The following NOL11 variants were observed in gnomAD, a reference collection of about 807,000 sequenced individuals.
NOL11 encodes nucleolar protein 11.
A neutral mutation model predicts 93.0 loss-of-function variants in NOL11; 42 were observed. That is an observed-to-expected ratio of 0.45 (90% confidence interval 0.35 to 0.58). The LOEUF is 0.58. Ranked by LOEUF, NOL11 falls within the 20% of genes least tolerant of loss-of-function variation. The pLI is 0.00. For synonymous variants in NOL11, 296 were observed against 293.7 expected (o/e 1.01, Z -0.08); for missense variants, 775 against 841.8 (o/e 0.92, Z 0.98).
At position 67,717,958 on chromosome 17, in the gene NOL11, T is replaced by C. The variant is rs761231053; in HGVS notation, c.11T>C (p.Leu4Pro). Residue 4 changes from leucine to proline, a missense_variant, in exon 1 of 18, where the codon CTG becomes CCG. Transcript: ENST00000253247. ...TTAGGTTTGCTCAAAATGGCAGCGC[T>C]GGAGGAAGAATTCACGTTGTCTTCG... MAA[L>P]EEEFTLSSVV... The C allele has an allele frequency of 3.1e-6, 5 of 1,614,176 alleles. No individual in the cohort carries two copies. The highest frequency in any genetic ancestry group is 3.4e-6 in the Non-Finnish European group (4 of 1,180,014).
chr17:67,738,333 G>A lies in NOL11; in HGVS notation c.1741G>A (p.Val581Ile), dbSNP rs1380141948. The stretch of plus-strand genomic sequence containing the variant: ...AAAGGAGAGCACTTCATGCCCTGTG[G>A]TACAAAAAAGAGCAGCTCTACTGTA... ...ETKESTSCPV[V>I]QKRAALLNAI... Residue 581 changes from valine to isoleucine, a missense_variant, in exon 14 of 18, where the codon GTA (valine) becomes ATA (isoleucine). Coordinates refer to ENST00000253247, the MANE Select transcript of NOL11 (RefSeq NM_015462.5). 2.5e-6 allele frequency: 4 copies of A among 1,611,400 alleles called. No homozygotes were observed. Among genetic ancestry groups the A allele is most frequent in the African/African-American group, 2.7e-5 (2 of 74,524 alleles).
chr17:67,728,591 G>A (rs2055121528), intron 7 of NOL11, among the ~76,000 whole-genome samples: 1 of 151,972 alleles, frequency 6.6e-6, no homozygotes, highest in Non-Finnish European at 1.5e-5. Context: ...AAAACCCGGT[G>A]GCTACTATAG....
At chr17:67,732,206 GGCGCAGTAATCACACCTATAATCCCA>G (rs2055160021) in intron 7 of NOL11, among the ~76,000 whole-genome samples, 1 of 152,208 alleles carries the variant, frequency 6.6e-6, no homozygotes, top group African/African-American at 2.4e-5. Context: ...CTAGGGACCG[GGCGCAGTAATCACACCTATAATCCCA>G]GCACTTTGGG....
chr17:67,731,651 A>G (rs2055155492), intron 7 of NOL11, among the ~76,000 whole-genome samples: 1 of 152,232 alleles, frequency 6.6e-6, no homozygotes, highest in Admixed American at 6.5e-5. Flanking sequence ...TCTTCAAAGA[A>G]TGTTATGGTT....
Position 67,719,741 on chromosome 17 carries a change from T to A in NOL11, c.209T>A (p.Val70Glu). The change falls in exon 2 of 18, where the codon GTG becomes GAG. Residue 70 changes from valine (V) to glutamate (E), a missense_variant. Coordinates refer to ENST00000253247, the MANE Select transcript of NOL11 (RefSeq NM_015462.5). ...KQGQIITCPA[V>E]CNFQTGEYVV... The stretch of plus-strand genomic sequence containing the variant: ...GGTCAAATTATAACATGTCCAGCTG[T>A]GTGCAACTTTCAAACTGGAGAGTAT... 6.2e-7 allele frequency: 1 copy of A among 1,610,656 alleles called. No homozygotes were observed. The highest frequency in any genetic ancestry group is 8.5e-7 in the Non-Finnish European group (1 of 1,178,880).
chr17:67,738,454 T>A (rs1323130398), intron 14 of NOL11, 99 bp downstream of exon 14: 13 of 731,902 alleles, frequency 1.8e-5, no homozygotes, highest in Non-Finnish European at 1.8e-5. Context: ...AAGGTTTTTC[T>A]TTCCTTTTCC....
At position 67,721,543 on chromosome 17, in the gene NOL11, G is replaced by C. The variant is rs778378048; in HGVS notation, c.461+17G>C. The C allele has an allele frequency of 1.9e-6, 3 of 1,595,024 alleles. No individual in the cohort carries two copies. Among genetic ancestry groups the C allele is most frequent in the Non-Finnish European group, 1.7e-6 (2 of 1,170,316 alleles). ...AGTGATTAAGTAAGTTCCAGTACTT[G>C]TAAGTAAATTTATCAAAATAAAAAT... On this transcript the variant is annotated intron_variant, in intron 4 of 17. Coordinates refer to ENST00000253247, the MANE Select transcript of NOL11 (RefSeq NM_015462.5).
intron 7 of NOL11, among the ~76,000 whole-genome samples, chr17:67,727,330 G>T (rs2055105223): frequency 6.6e-6 from 1 of 152,136 alleles, no homozygotes; most frequent in Admixed American, 6.5e-5. Flanking sequence ...CATTTGATAT[G>T]CCCATCCTCA....
chr17:67,737,275 G>A, intron 11 of NOL11, 130 bp downstream of exon 11: 4 of 704,310 alleles, frequency 5.7e-6, no homozygotes, highest in Non-Finnish European at 9.7e-6. Flanking sequence ...GTATCTTAAG[G>A]GTGTCAGAGT....
chr17:67,743,449 T>C, intron 16 of NOL11, 30 bp from the exon 17 acceptor site: 1 of 1,012,566 alleles, frequency 9.9e-7, no homozygotes, highest in South Asian at 1.5e-5. Flanking sequence ...AAATTTAAAA[T>C]CTTAACTTCC....
chr17:67,743,518 A>C lies in NOL11; in HGVS notation c.1975A>C (p.Thr659Pro), dbSNP rs145032192. 14 of 1,597,966 alleles carry C rather than the reference A, an allele frequency of 8.8e-6. No individual in the cohort carries two copies. The highest frequency in any genetic ancestry group is 1.1e-5 in the Non-Finnish European group (13 of 1,168,094). Residue 659 changes from threonine (T) to proline (P), a missense_variant, in exon 17 of 18, where the codon ACT (threonine) becomes CCT (proline). This residue lies in a region of NOL11 where 416 missense variants were observed against 525.2 expected (regional missense o/e 0.79). Transcript: ENST00000253247. ...ATGTCTACTTCTGGATGCAAATTTT[A>C]CTGTTGTTGTAATGATGCCAGAAGC... ...WICLLLDANF[T>P]VVVMMPEAKR...
intron 3 of NOL11, 22 bp downstream of exon 3, chr17:67,719,984 CA>C (rs757208255): frequency 3.3e-6 from 5 of 1,534,626 alleles, no homozygotes; most frequent in Non-Finnish European, 4.4e-6. Context: ...AATTTTCCAA[CA>C]TATTTGTTTA....
At chr17:67,728,779 T>G (rs999309334) in intron 7 of NOL11, among the ~76,000 whole-genome samples, 1 of 152,244 alleles carries the variant, frequency 6.6e-6, no homozygotes, top group Non-Finnish European at 1.5e-5. Context: ...TATAATATTA[T>G]TTGTTAATCT....
intron 15 of NOL11, 87 bp downstream of exon 15, chr17:67,739,097 G>C (rs1599048389): frequency 2.0e-6 from 2 of 983,424 alleles, no homozygotes; most frequent in East Asian, 4.8e-5. Flanking sequence ...GCATTCTAAA[G>C]GTTATGAAAT....
rs1418475487 is a variant in NOL11 at position 67,735,909 on chromosome 17, TA to T, written c.941del (p.Tyr314LeufsTer13). On this transcript the variant is annotated frameshift_variant, in exon 9 of 18. Transcript: ENST00000253247. LOFTEE classifies it high-confidence loss of function. The stretch of plus-strand genomic sequence containing the variant: ...ATAACTTTTTTTGTAGCTCTGGTAT[TA>T]TGGAGAACATTTGTTTATGCTACAT... ...PQGTSGQLWY[Y>X]GEHLFMLHGK... 1.9e-6 allele frequency: 3 copies of T among 1,608,458 alleles called. No homozygotes were observed. In the African/African-American group the frequency reaches 4.0e-5, roughly 22 times the overall value.
chr17:67,742,657 G>A (rs12943140), intron 16 of NOL11, among the ~76,000 whole-genome samples: 23,816 of 152,130 alleles, frequency 0.16, 2,427 homozygotes, highest in South Asian at 0.23. Context: ...GATACATATA[G>A]AATTTAATCT....
intron 5 of NOL11, 84 bp downstream of exon 5, chr17:67,722,721 G>GT: frequency 6.8e-7 from 1 of 1,472,122 alleles, no homozygotes; most frequent in Admixed American, 2.8e-5. Context: ...GTGTTGCCCT[G>GT]TCACCCAGGC....
chr17:67,733,516 G>A (rs749351649), intron 7 of NOL11, among the ~76,000 whole-genome samples: 2 of 152,182 alleles, frequency 1.3e-5, no homozygotes, highest in East Asian at 1.9e-4. Context: ...TGATAGTTGC[G>A]TAGAATAGCA....
Position 67,737,674 on chromosome 17 carries a change from C to A in NOL11, c.1385C>A (p.Thr462Lys). ...PRNCLMQLIQ[T>K]HVLSYSLCPD... ...AACTGTCTGATGCAGCTTATCCAAACGCATGTGCTTTCTTACAGGTAGCTG... is the reference window on the plus strand; with the variant it reads ...AACTGTCTGATGCAGCTTATCCAAAAGCATGTGCTTTCTTACAGGTAGCTG... Residue 462 changes from threonine (T) to lysine (K), a missense_variant, in exon 12 of 18, where the codon ACG (threonine) becomes AAG (lysine). By Grantham distance (78) the Thr-to-Lys change is moderately conservative. Around this residue, in one of 2 missense-constraint regions of NOL11, gnomAD observed 416 missense variants for 525.2 expected, o/e 0.79. Coordinates refer to ENST00000253247, the MANE Select transcript of NOL11 (RefSeq NM_015462.5). The A allele has an allele frequency of 1.2e-6, 2 of 1,613,060 alleles. No individual in the cohort carries two copies. Among genetic ancestry groups the A allele is most frequent in the Non-Finnish European group, 1.7e-6 (2 of 1,179,710 alleles).
Sources: gnomAD v4.1 joint callset for allele counts (sites outside exome capture counted in the v4.1 genomes callset) on GRCh38, gnomAD v4.1.1 for gene constraint, gnomAD v4.1.1 regional missense constraint, MANE v1.5 for transcripts, NCBI Gene and HGNC (gene_info 2026-07-23, HGNC 2026-07-21) for gene names.